The following DIXDC1 variants were observed in gnomAD, a reference collection of about 807,000 sequenced individuals.
DIXDC1 encodes DIX domain containing 1.
Under a neutral mutation model 103.1 loss-of-function variants are expected in DIXDC1, and 64 were observed. The observed-to-expected ratio is 0.62, with a 90% confidence interval of 0.51 to 0.76. The LOEUF is 0.76. Among genes scored for constraint, DIXDC1 ranks in the 30% least tolerant of loss-of-function variants. The probability of loss-of-function intolerance (pLI) is 0.00; values close to 1 mark genes in which losing one functional copy is unlikely to be tolerated. For synonymous variants in DIXDC1, 266 were observed against 298.5 expected (o/e 0.89, Z 1.12); for missense variants, 759 against 834.2 (o/e 0.91, Z 1.11).
In DIXDC1 at chr11:112,016,696, CCTCA is replaced by C; in HGVS notation, c.1768_1771del (p.Ser590ArgfsTer35). 1 of 1,597,186 alleles carries C rather than the reference CCTCA, an allele frequency of 6.3e-7. No individual in the cohort carries two copies. Among genetic ancestry groups the C allele is most frequent in the Non-Finnish European group, 8.5e-7 (1 of 1,172,392 alleles). On this transcript the variant is annotated frameshift_variant, in exon 18 of 20. Transcript: ENST00000440460. LOFTEE classifies it high-confidence loss of function. ...CAGTCTCTTTCTGATTGTAGAGTTG[CCTCA>C]CTCACAGAGCTCTCCAACTGTCAGC... is the stretch of plus-strand genomic sequence containing the variant.
chr11:112,009,727 G>C (rs1378051295), intron 17 of DIXDC1, among the ~76,000 whole-genome samples: 2 of 152,166 alleles, frequency 1.3e-5, no homozygotes, highest in African/African-American at 4.8e-5. Context: ...TATCTCAATA[G>C]ATGCAGAAAA....
At chr11:111,936,146 G>C (rs1239054531), upstream of DIXDC1, among the ~76,000 whole-genome samples, 1 of 152,082 alleles carries the variant, frequency 6.6e-6, no homozygotes, top group East Asian at 1.9e-4. Context: ...TCCTTGAGCT[G>C]CCTGTCACTG....
At chr11:112,014,946 T>G (rs1225114104) in intron 17 of DIXDC1, among the ~76,000 whole-genome samples, 4 of 151,782 alleles carry the variant, frequency 2.6e-5, no homozygotes, top group African/African-American at 9.7e-5. Flanking sequence ...GTGCAGTGGC[T>G]CGATCTCGGC....
rs782104836 is a variant in DIXDC1, at chr11:111,974,123, C to T, written c.417C>T (p.Asp139=). 2 of 1,614,034 alleles carry T rather than the reference C, an allele frequency of 1.2e-6. No homozygotes were observed. Among genetic ancestry groups the T allele is most frequent in the African/African-American group, 1.3e-5 (1 of 75,062 alleles). ...GCAGGACGGTGAACCAAGGACGGGACTCCAGAGCCCCTCTGCAAAGTCACC... is the reference window on the plus strand; with the variant it reads ...GCAGGACGGTGAACCAAGGACGGGATTCCAGAGCCCCTCTGCAAAGTCACC... ...GSSRTVNQGR[D]SRAPLQSHRP... The change falls in exon 4 of 20, where the codon GAC becomes GAT. Residue 139 remains aspartate, a synonymous_variant. Coordinates refer to ENST00000440460, the MANE Select transcript of DIXDC1 (RefSeq NM_001037954.4).
chr11:111,973,864 G>T (rs993067284), intron 3 of DIXDC1, among the ~76,000 whole-genome samples, 159 bp from the exon 4 acceptor site: 1 of 152,038 alleles, frequency 6.6e-6, no homozygotes, highest in South Asian at 2.1e-4. Flanking sequence ...TTATATATTC[G>T]GTCTCCCTTG....
intron 8 of DIXDC1, among the ~76,000 whole-genome samples, chr11:111,986,302 T>G (rs1240828637): frequency 6.6e-6 from 1 of 152,096 alleles, no homozygotes; most frequent in African/African-American, 2.4e-5. Context: ...ATTCATCTCT[T>G]GCCATTTCTT....
chr11:112,007,513 A>G (rs1356838287), intron 17 of DIXDC1, among the ~76,000 whole-genome samples: 2 of 152,174 alleles, frequency 1.3e-5, no homozygotes, highest in Non-Finnish European at 2.9e-5. Context: ...TATCAGATTC[A>G]CCAAGGTGGA....
rs34390484 is a variant in DIXDC1 at position 111,949,836 on chromosome 11, C to T, written c.60+12277C>T. ...GCAATTGGCAGACATCCGTAAAGAA[C>T]CAGCCAGATGTCTCCTTCCCTGTTG... On this transcript the variant is annotated intron_variant, in intron 1 of 19. Transcript: ENST00000440460. Among the ~76,000 whole-genome samples the T allele has an allele frequency of 7.3e-3, 1,110 of 152,334 alleles. 16 individuals carry two copies. The highest frequency in any genetic ancestry group is 6.9e-3 in the Non-Finnish European group (468 of 68,036).
intron 17 of DIXDC1, among the ~76,000 whole-genome samples, chr11:112,010,882 A>G (rs1189938781): frequency 6.6e-6 from 1 of 152,268 alleles, no homozygotes; most frequent in Non-Finnish European, 1.5e-5. Context: ...CATTCAGGAC[A>G]TAGGCATGGA....
intron 1 of DIXDC1, among the ~76,000 whole-genome samples, chr11:111,929,583 TAAAAA>T (rs587666008): frequency 2.2e-5 from 2 of 90,636 alleles, no homozygotes; most frequent in African/African-American, 8.4e-5. Flanking sequence ...ACCTTATCTC[TAAAAA>T]AAAAAAAAAA....
chr11:111,977,471 G>A lies in DIXDC1; in HGVS notation c.656+2488G>A. ...GGCCAAGATGCAGCGGCCAGGGGCC[G>A]GCAGCCTGCGAGGGGAGGCAGCTTC... On this transcript the variant is annotated intron_variant, in intron 5 of 19. Transcript: ENST00000440460. The surrounding 1 kb of genome is among the most constrained non-coding windows in gnomAD (Gnocchi z 6.1). The A allele has an allele frequency of 1.5e-6, 2 of 1,300,672 alleles. No individual in the cohort carries two copies. The highest frequency in any genetic ancestry group is 3.9e-5 in the East Asian group (1 of 25,738). The allele number at this position is 1,300,672 out of a possible 1,614,324, so 80.6% of individuals were successfully genotyped here. A position where few individuals can be genotyped will look rare whatever the true frequency, so the allele number is the denominator to read the frequency against.
intron 1 of DIXDC1, among the ~76,000 whole-genome samples, chr11:111,960,428 TAC>T (rs1859534368): frequency 6.6e-6 from 1 of 150,696 alleles, no homozygotes; most frequent in Non-Finnish European, 1.5e-5. Context: ...ACCCCATCTC[TAC>T]TAAAAATACA....
At chr11:111,985,874 G>T (rs1002044831) in intron 8 of DIXDC1, among the ~76,000 whole-genome samples, 1 of 152,172 alleles carries the variant, frequency 6.6e-6, no homozygotes, top group Admixed American at 6.5e-5. Flanking sequence ...AAATTAAAGT[G>T]TTTCTGTCCT....
chr11:111,963,930 A>G (rs1486041372), intron 1 of DIXDC1, among the ~76,000 whole-genome samples: 3 of 152,198 alleles, frequency 2.0e-5, no homozygotes, highest in African/African-American at 7.2e-5. Context: ...CTCTTTGACA[A>G]TATAAAGCAT....
At chr11:111,968,388 T>C in intron 2 of DIXDC1, 125 bp from the exon 3 acceptor site, 1 of 1,018,310 alleles carries the variant, frequency 9.8e-7, no homozygotes, top group Non-Finnish European at 1.4e-6. Flanking sequence ...AGGACTTAAC[T>C]CATTTATATA....
At chr11:112,015,133 C>T (rs1431714819) in intron 17 of DIXDC1, among the ~76,000 whole-genome samples, 2 of 152,190 alleles carry the variant, frequency 1.3e-5, no homozygotes, top group Non-Finnish European at 2.9e-5. Flanking sequence ...AATCCGCCCA[C>T]CTCGGCCTCC....
rs918857450 is a variant in DIXDC1 at position 111,995,069 on chromosome 11, A to G, written c.1488A>G (p.Pro496=). 2 of 1,613,718 alleles carry G rather than the reference A, an allele frequency of 1.2e-6. No individual in the cohort carries two copies. The highest frequency in any genetic ancestry group is 1.7e-6 in the Non-Finnish European group (2 of 1,179,900). Residue 496 remains proline (P), a synonymous_variant, in exon 15 of 20, where the codon CCA becomes CCG. Transcript: ENST00000440460. ...CTCAAAGCAATGGTTTTCTCCTTCC[A>G]ACGGCAGGAAAAGGAGCTACTTCAG... The part of the protein sequence containing the change: ...HNSQSNGFLL[P]TAGKGATSVS...
Position 111,962,307 on chromosome 11 carries a change from C to A in DIXDC1, c.61-2242C>A, listed in dbSNP as rs145395551. On this transcript the variant is annotated intron_variant, in intron 1 of 19. Transcript: ENST00000440460. Reference sequence around the variant, plus strand: ...GACCAGCCTGACCAATATGGTGAAACCCCATCTCTATTACAAATACAAAAA... The same window carrying A: ...GACCAGCCTGACCAATATGGTGAAAACCCATCTCTATTACAAATACAAAAA... 9.2e-3 allele frequency among the ~76,000 whole-genome samples: 1,399 copies of A among 152,154 alleles called. 20 individuals are homozygous for A. Among genetic ancestry groups the A allele is most frequent in the African/African-American group, 0.031 (1,291 of 41,516 alleles).
chr11:111,975,045 C>A (rs1229044123), intron 5 of DIXDC1, 62 bp downstream of exon 5: 2 of 1,558,474 alleles, frequency 1.3e-6, no homozygotes, highest in East Asian at 4.8e-5. Flanking sequence ...CTTCAAGTAA[C>A]AATACAACAA....
Sources: gnomAD v4.1 joint callset for allele counts (sites outside exome capture counted in the v4.1 genomes callset) on GRCh38, gnomAD v4.1.1 for gene constraint, Gnocchi (gnomAD v3.1) non-coding constraint, MANE v1.5 for transcripts, NCBI Gene and HGNC (gene_info 2026-07-23, HGNC 2026-07-21) for gene names.